Variants in RAPGEF6 observed in about 807,000 individuals in gnomAD.
RAPGEF6 encodes the protein PDZ domain containing guanine nucleotide exchange factor (GEF) 2.
Under a neutral mutation model 171.4 loss-of-function variants are expected in RAPGEF6, and 56 were observed. The ratio of observed to expected loss-of-function variants is 0.33; its 90% CI spans 0.26 to 0.41. The LOEUF (loss-of-function observed/expected upper bound fraction) is 0.41, where lower values mean the gene tolerates loss of function less well. RAPGEF6 is among the 10% of genes least tolerant of loss of function. The pLI is 1.00. For synonymous variants in RAPGEF6, 692 were observed against 650.1 expected, an observed-to-expected ratio of 1.06 and a Z score of -0.98; for missense variants, 1,674 against 1,921.4, an observed-to-expected ratio of 0.87 and a Z score of 2.41.
intron 3 of RAPGEF6, among the ~76,000 whole-genome samples, chr5:131,594,618 G>A (rs1763784955): frequency 6.6e-6 from 1 of 152,212 alleles, no homozygotes; most frequent in Admixed American, 6.5e-5. Flanking sequence ...TAGGAGCCTA[G>A]AAAAGCCACA....
At chr5:131,434,800 C>A (rs1336700393) in intron 24 of RAPGEF6, among the ~76,000 whole-genome samples, 2 of 152,124 alleles carry the variant, frequency 1.3e-5, no homozygotes, top group East Asian at 3.8e-4. Flanking sequence ...GGCTAATGTA[C>A]ATAATAATCT....
chr5:131,588,208 G>A (rs2149999073), intron 4 of RAPGEF6, among the ~76,000 whole-genome samples: 1 of 152,154 alleles, frequency 6.6e-6, no homozygotes, highest in African/African-American at 2.4e-5. Flanking sequence ...GTACAAAAGA[G>A]TATTGCTTCT....
intron 1 of RAPGEF6, among the ~76,000 whole-genome samples, chr5:131,628,845 G>C (rs1201769689): frequency 6.6e-6 from 1 of 152,166 alleles, no homozygotes; most frequent in East Asian, 1.9e-4. Context: ...CAGCACGTTT[G>C]TTTACAGTAT....
At chr5:131,477,456 A>G (rs1160982002) in intron 16 of RAPGEF6, among the ~76,000 whole-genome samples, 1 of 152,198 alleles carries the variant, frequency 6.6e-6, no homozygotes, top group Non-Finnish European at 1.5e-5. Context: ...AGTTTAAGCA[A>G]AACTATTTTT....
chr5:131,556,550 T>A (rs568027801), intron 5 of RAPGEF6, among the ~76,000 whole-genome samples: 1 of 152,152 alleles, frequency 6.6e-6, no homozygotes, highest in Non-Finnish European at 1.5e-5. Context: ...AAATAATAAT[T>A]CTTCATGGAA....
At chr5:131,534,858 A>C (rs922150225) in intron 6 of RAPGEF6, among the ~76,000 whole-genome samples, 2 of 152,150 alleles carry the variant, frequency 1.3e-5, no homozygotes, top group African/African-American at 4.8e-5. Flanking sequence ...GACAGTAATT[A>C]TATTCATGTA....
intron 6 of RAPGEF6, among the ~76,000 whole-genome samples, chr5:131,528,306 ATTTATAT>A (rs1561538166): frequency 2.3e-4 from 8 of 34,870 alleles, no homozygotes; most frequent in African/African-American, 8.7e-4. Context: ...AAAATAATAT[ATTTATAT>A]TATATATATA....
chr5:131,600,004 T>C (rs954965863), intron 3 of RAPGEF6, among the ~76,000 whole-genome samples: 9 of 152,208 alleles, frequency 5.9e-5, no homozygotes, highest in Non-Finnish European at 1.2e-4. Flanking sequence ...TTTGGTACTG[T>C]TTTAAAGAAG....
intron 17 of RAPGEF6, among the ~76,000 whole-genome samples, chr5:131,468,937 A>T (rs758493367): frequency 9.9e-5 from 15 of 152,262 alleles, no homozygotes; most frequent in Non-Finnish European, 1.6e-4. Flanking sequence ...TTAGGCACTT[A>T]TATAATGAGA....
chr5:131,483,838 C>T (rs911330625), intron 15 of RAPGEF6, among the ~76,000 whole-genome samples: 2 of 152,018 alleles, frequency 1.3e-5, no homozygotes, highest in Non-Finnish European at 2.9e-5. Context: ...TGGTGGCTCA[C>T]ACCTGTAATC....
chr5:131,555,712 A>C (rs1476240163), intron 5 of RAPGEF6, among the ~76,000 whole-genome samples: 2 of 151,552 alleles, frequency 1.3e-5, no homozygotes, highest in Non-Finnish European at 2.9e-5. Context: ...ATCATCTTGG[A>C]TACTAATATT....
intron 7 of RAPGEF6, among the ~76,000 whole-genome samples, chr5:131,520,598 A>C (rs961065721): frequency 6.6e-6 from 1 of 152,134 alleles, no homozygotes; most frequent in Non-Finnish European, 1.5e-5. Flanking sequence ...ACCAACCCTC[A>C]ATATCATGCA....
intron 13 of RAPGEF6, among the ~76,000 whole-genome samples, chr5:131,494,765 A>G (rs1237916405): frequency 1.2e-5 from 1 of 85,362 alleles, no homozygotes; most frequent in Non-Finnish European, 2.5e-5. Flanking sequence ...TGAGCAGATT[A>G]TAATAGATCA....
Position 131,635,095 on chromosome 5 carries a change from G to A in RAPGEF6, c.-65C>T. 2 of 1,482,274 alleles carry A rather than the reference G, an allele frequency of 1.3e-6. No homozygotes were observed. The highest frequency in any genetic ancestry group is 1.8e-6 in the Non-Finnish European group (2 of 1,101,018). The allele number at this position is 1,482,274 out of a possible 1,614,324, so 91.8% of individuals were successfully genotyped here. ...CCACGCCACAGTTCATTCACACTAGGTAGCGGGTGCGGTACCTTTCCCCCG... is the reference window on the plus strand; with the variant it reads ...CCACGCCACAGTTCATTCACACTAGATAGCGGGTGCGGTACCTTTCCCCCG... On this transcript the variant is annotated 5_prime_UTR_variant, in exon 1 of 28. Coordinates refer to ENST00000509018, the MANE Select transcript of RAPGEF6 (RefSeq NM_016340.6).
intron 4 of RAPGEF6, among the ~76,000 whole-genome samples, chr5:131,589,243 T>C (rs1159831161): frequency 2.6e-5 from 4 of 152,222 alleles, no homozygotes; most frequent in African/African-American, 4.8e-5. Flanking sequence ...ATATGAACTA[T>C]AGCCTTGTGT....
chr5:131,493,042 C>CATTTATTTATTTATTT (rs747528355), intron 13 of RAPGEF6, among the ~76,000 whole-genome samples: 1 of 151,704 alleles, frequency 6.6e-6, no homozygotes, highest in Admixed American at 6.6e-5. Flanking sequence ...AATTACCTAT[C>CATTTATTTATTTATTT]ATTTATTTAT....
chr5:131,616,494 T>C (rs1178002989), intron 1 of RAPGEF6, among the ~76,000 whole-genome samples: 1 of 152,192 alleles, frequency 6.6e-6, no homozygotes, highest in Non-Finnish European at 1.5e-5. Flanking sequence ...TTCTCCTCAC[T>C]GTCCTTCTAC....
intron 1 of RAPGEF6, among the ~76,000 whole-genome samples, chr5:131,613,279 G>A (rs899515581): frequency 3.9e-5 from 6 of 152,074 alleles, no homozygotes; most frequent in East Asian, 1.9e-4. Flanking sequence ...GCATGGTGGC[G>A]GGCGCCTACA....
Position 131,604,605 on chromosome 5 carries a change from A to C in RAPGEF6, c.140+18T>G, listed in dbSNP as rs1427553814. The C allele has an allele frequency of 6.2e-7, 1 of 1,608,810 alleles. No individual in the cohort carries two copies. The highest frequency in any genetic ancestry group is 2.2e-5 in the East Asian group (1 of 44,806). On this transcript the variant is annotated intron_variant, in intron 2 of 27. Coordinates refer to ENST00000509018, the MANE Select transcript of RAPGEF6 (RefSeq NM_016340.6). ...ATGGCTATACAGCGTGTGCTCTTAA[A>C]TACAGAACGACACTTACCTAAGCTG... is the stretch of plus-strand genomic sequence containing the variant.
Sources: allele counts gnomAD v4.1 joint callset (sites outside exome capture counted in the v4.1 genomes callset), GRCh38; gene constraint gnomAD v4.1.1; transcripts MANE v1.5; gene names NCBI Gene and HGNC (gene_info 2026-07-23, HGNC 2026-07-21).